The following IMMP2L variants were observed in gnomAD, a reference collection of about 807,000 sequenced individuals.
IMMP2L encodes the protein inner mitochondrial membrane peptidase subunit 2.
IMMP2L carries 18 observed loss-of-function variants against 19.3 expected under a neutral mutation model. The observed-to-expected ratio is 0.93, with a 90% CI of 0.64 to 1.38. The LOEUF is 1.38. IMMP2L is among the 40% of genes most tolerant of loss of function. The probability of loss-of-function intolerance (pLI) is 0.00; values close to 1 mark genes in which losing one functional copy is unlikely to be tolerated. For synonymous variants in IMMP2L, 76 were observed against 73.0 expected, an observed-to-expected ratio of 1.04 and a Z score of -0.21; for missense variants, 233 against 218.2, an observed-to-expected ratio of 1.07 and a Z score of -0.43.
chr7:111,212,012 A>G (rs774848389), intron 3 of IMMP2L, among the ~76,000 whole-genome samples: 2 of 152,084 alleles, frequency 1.3e-5, no homozygotes, highest in Non-Finnish European at 2.9e-5. Context: ...CAAAAAAAAG[A>G]AGATTGAAAT....
chr7:110,973,576 T>G (rs1308791536), intron 3 of IMMP2L, among the ~76,000 whole-genome samples: 3 of 152,126 alleles, frequency 2.0e-5, no homozygotes, highest in Non-Finnish European at 2.9e-5. Flanking sequence ...CTATTATTCT[T>G]TAGTACACAC....
chr7:110,963,200 G>A, intron 4 of IMMP2L: 1 of 798,190 alleles, frequency 1.3e-6, no homozygotes, highest in Non-Finnish European at 1.9e-6. Flanking sequence ...TCTTAAAATA[G>A]TCATGCTACT....
intron 2 of IMMP2L, among the ~76,000 whole-genome samples, chr7:111,505,353 G>A (rs539712321): frequency 1.3e-5 from 2 of 151,484 alleles, no homozygotes; most frequent in East Asian, 3.9e-4. Flanking sequence ...TGGAGAAATA[G>A]GAACACTTTT....
intron 3 of IMMP2L, among the ~76,000 whole-genome samples, chr7:110,980,649 A>G (rs2129557992): frequency 6.6e-6 from 1 of 152,306 alleles, no homozygotes; most frequent in South Asian, 2.1e-4. Flanking sequence ...TATTTAGTAT[A>G]CACTGTATGG....
chr7:111,039,416 C>G (rs1245162029), intron 3 of IMMP2L, among the ~76,000 whole-genome samples: 3 of 152,126 alleles, frequency 2.0e-5, no homozygotes, highest in Non-Finnish European at 4.4e-5. Context: ...AACCGTTAAA[C>G]TAACATAAAT....
chr7:111,049,194 C>G (rs574603116), intron 3 of IMMP2L, among the ~76,000 whole-genome samples: 12 of 129,770 alleles, frequency 9.2e-5, no homozygotes, highest in South Asian at 5.1e-4. Context: ...GCAGTGGCGT[C>G]ATCTCGGCTC....
At chr7:111,439,273 C>A (rs1837486463) in intron 3 of IMMP2L, among the ~76,000 whole-genome samples, 1 of 151,776 alleles carries the variant, frequency 6.6e-6, no homozygotes, top group Admixed American at 6.6e-5. Context: ...CTCCACAATT[C>A]TAGTGGCCCA....
chr7:111,198,977 CT>C lies in IMMP2L; in HGVS notation c.240-235413del, dbSNP rs143049549. Among the ~76,000 whole-genome samples the C allele has an allele frequency of 8.7e-3, 1,325 of 152,256 alleles. 23 individuals carry two copies. Among genetic ancestry groups the C allele is most frequent in the African/African-American group, 0.03 (1,248 of 41,560 alleles). ...GTAGAGATCTGGAAAACTGTTTCAG[CT>C]CCCAATGTCCTCCCTCAATATGGAC... On this transcript the variant is annotated intron_variant, in intron 3 of 5. Transcript: ENST00000405709.
chr7:110,928,274 GAAC>G (rs971117438), intron 4 of IMMP2L, among the ~76,000 whole-genome samples: 1 of 148,328 alleles, frequency 6.7e-6, no homozygotes, highest in Non-Finnish European at 1.5e-5. Context: ...TTCAATTTAA[GAAC>G]AATAAAGAAA....
intron 3 of IMMP2L, among the ~76,000 whole-genome samples, chr7:111,159,821 ATTAC>A (rs1288359677): frequency 2.6e-5 from 4 of 152,168 alleles, no homozygotes; most frequent in Admixed American, 6.5e-5. Flanking sequence ...CTCAAATATT[ATTAC>A]TTAAACATGT....
At chr7:110,903,734 T>C (rs1180506057) in intron 4 of IMMP2L, among the ~76,000 whole-genome samples, 1 of 152,154 alleles carries the variant, frequency 6.6e-6, no homozygotes, top group African/African-American at 2.4e-5. Context: ...CATATATTTC[T>C]TTAAGATGCT....
chr7:111,512,605 C>A (rs917055179), intron 2 of IMMP2L, among the ~76,000 whole-genome samples: 2 of 151,970 alleles, frequency 1.3e-5, no homozygotes, highest in Non-Finnish European at 2.9e-5. Context: ...AAATACACAA[C>A]ACAATCCTAA....
intron 5 of IMMP2L, among the ~76,000 whole-genome samples, chr7:110,875,277 G>A (rs1350562254): frequency 2.6e-5 from 4 of 152,002 alleles, no homozygotes; most frequent in African/African-American, 9.7e-5. Flanking sequence ...AAAAACAATG[G>A]CCCAGTGAAA....
chr7:110,766,128 T>C lies in IMMP2L; in HGVS notation c.409-102407A>G, dbSNP rs114453495. 2.8e-3 allele frequency among the ~76,000 whole-genome samples: 433 copies of C among 152,320 alleles called. 5 individuals carry two copies. Among genetic ancestry groups the C allele is most frequent in the African/African-American group, 9.8e-3 (406 of 41,574 alleles). On this transcript the variant is annotated intron_variant, in intron 5 of 5. Coordinates refer to ENST00000405709, the MANE Select transcript of IMMP2L (RefSeq NM_032549.4). ...TGTGACTGTATTGGTTATTGAGTTATCTACAAATAGAATAAATTACACATT... is the reference window on the plus strand; with the variant it reads ...TGTGACTGTATTGGTTATTGAGTTACCTACAAATAGAATAAATTACACATT...
chr7:111,075,253 A>G (rs1415365127), intron 3 of IMMP2L, among the ~76,000 whole-genome samples: 1 of 149,716 alleles, frequency 6.7e-6, no homozygotes, highest in East Asian at 2.0e-4. Flanking sequence ...CAGCCTCCTG[A>G]GTAGCTGGGA....
At chr7:111,045,963 T>C (rs1792353280) in intron 3 of IMMP2L, among the ~76,000 whole-genome samples, 1 of 151,880 alleles carries the variant, frequency 6.6e-6, no homozygotes, top group Non-Finnish European at 1.5e-5. Flanking sequence ...ATGAAACATC[T>C]TTTAAAAGGG....
At chr7:111,000,981 A>C (rs1823616168) in intron 3 of IMMP2L, among the ~76,000 whole-genome samples, 1 of 152,232 alleles carries the variant, frequency 6.6e-6, no homozygotes, top group Non-Finnish European at 1.5e-5. Flanking sequence ...AGCCAAAGTT[A>C]GCAGCAAGAG....
At chr7:111,221,529 T>G (rs754393423) in intron 3 of IMMP2L, among the ~76,000 whole-genome samples, 10 of 151,602 alleles carry the variant, frequency 6.6e-5, no homozygotes, top group Non-Finnish European at 1.3e-4. Flanking sequence ...GAGAGAGAGA[T>G]AACGTGAGCC....
chr7:111,082,663 G>A (rs1795981386), intron 3 of IMMP2L, among the ~76,000 whole-genome samples: 1 of 152,150 alleles, frequency 6.6e-6, no homozygotes, highest in African/African-American at 2.4e-5. Flanking sequence ...TAGGCTCTCA[G>A]TGAGCATTAT....
Sources: gnomAD v4.1 joint callset for allele counts (sites outside exome capture counted in the v4.1 genomes callset) on GRCh38, gnomAD v4.1.1 for gene constraint, MANE v1.5 for transcripts, NCBI Gene and HGNC (gene_info 2026-07-23, HGNC 2026-07-21) for gene names.